The following EFHC2 variants were observed in gnomAD, a reference collection of about 807,000 sequenced individuals.
EFHC2 encodes EF-hand domain-containing family member C2.
Under a neutral mutation model 52.7 loss-of-function variants are expected in EFHC2, and 18 were observed. The observed-to-expected ratio is 0.34, with a 90% CI of 0.24 to 0.51. The LOEUF is 0.51. Among genes scored for constraint, EFHC2 ranks in the 20% least tolerant of loss-of-function variants. The pLI is 0.97. For missense variants in EFHC2, 513 were observed against 562.5 expected, an observed-to-expected ratio of 0.91 and a Z score of 0.89; for synonymous variants, 203 against 204.1, an observed-to-expected ratio of 0.99 and a Z score of 0.04.
intron 2 of EFHC2, among the ~76,000 whole-genome samples, chrX:44,277,042 G>A (rs2037663345): frequency 9.0e-6 from 1 of 110,550 alleles, no homozygotes; most frequent in Non-Finnish European, 1.9e-5. Context: ...GGCGGATCAC[G>A]AGGTCAGGAG....
At position 44,250,473 on chromosome X, in the gene EFHC2, G is replaced by T. The variant is rs780605285; in HGVS notation, c.607-28C>A. On this transcript the variant is annotated intron_variant, in intron 4 of 14. Transcript: ENST00000420999. ...GCAAATGGAGAAAATGTCAATAATA[G>T]TTGCAGGGTTTGCATAATCACTTCT... 11 of 1,168,120 alleles carry T rather than the reference G, an allele frequency of 9.4e-6. No homozygotes were observed. The South Asian group carries it at 2.1e-4, about 22-fold the overall frequency.
At chrX:44,322,654 C>T (rs754795022) in intron 1 of EFHC2, among the ~76,000 whole-genome samples, 1 of 111,987 alleles carries the variant, frequency 8.9e-6, no homozygotes, top group South Asian at 3.7e-4. Context: ...ATACCTGCTT[C>T]ACGAGACAGT....
intron 1 of EFHC2, among the ~76,000 whole-genome samples, chrX:44,321,993 G>C (rs2038023893): frequency 8.9e-6 from 1 of 111,929 alleles, no homozygotes; most frequent in African/African-American, 3.3e-5. Flanking sequence ...TTCCTGCATA[G>C]ATCTTCTATT....
rs3747353 is a variant in EFHC2 at position 44,178,276 on chromosome X, T to C, written c.1949+91A>G. The C allele has an allele frequency of 5.3e-3, 4,784 of 898,307 alleles. 202 individuals carry two copies. In the East Asian group the frequency reaches 0.13, roughly 25 times the overall value. The allele number at this position is 898,307 out of a possible 1,213,427, so 74.0% of individuals were successfully genotyped here. On this transcript the variant is annotated intron_variant, in intron 12 of 14. Coordinates refer to ENST00000420999, the MANE Select transcript of EFHC2 (RefSeq NM_025184.4). Reference sequence around the variant, plus strand: ...TGAGTATGATGACACATGTCTATTTTCTTTTTGCACTTTTTGATAAAATAG... The same window carrying C: ...TGAGTATGATGACACATGTCTATTTCCTTTTTGCACTTTTTGATAAAATAG...
At chrX:44,310,161 T>TC in intron 2 of EFHC2, 1 of 678,001 alleles carries the variant, frequency 1.5e-6, no homozygotes, top group African/African-American at 2.1e-5. Context: ...CAGGTCCACC[T>TC]CCTCGGTGGT....
intron 1 of EFHC2, among the ~76,000 whole-genome samples, chrX:44,322,227 C>G (rs1282153776): frequency 8.9e-6 from 1 of 112,200 alleles, no homozygotes; most frequent in East Asian, 2.8e-4. Context: ...AATTCCTGTA[C>G]AGCCATCACT....
At chrX:44,331,162 T>C (rs1445146076) in intron 1 of EFHC2, among the ~76,000 whole-genome samples, 1 of 111,808 alleles carries the variant, frequency 8.9e-6, no homozygotes, top group Admixed American at 9.5e-5. Context: ...TGTAAAGAAA[T>C]TGTGATACAT....
intron 14 of EFHC2, 34 bp downstream of exon 14, chrX:44,163,888 C>T: frequency 1.1e-6 from 1 of 943,525 alleles, no homozygotes; most frequent in Admixed American, 2.6e-5. Context: ...GGGAAGTAAC[C>T]ATAGATGGTT....
At chrX:44,290,323 CAAT>C (rs1196416881) in intron 2 of EFHC2, among the ~76,000 whole-genome samples, 5 of 111,594 alleles carry the variant, frequency 4.5e-5, no homozygotes, top group East Asian at 2.8e-4. Flanking sequence ...CAGTCTCATT[CAAT>C]AATATTTTTA....
intron 4 of EFHC2, among the ~76,000 whole-genome samples, chrX:44,252,059 G>C (rs1249309433): frequency 8.9e-6 from 1 of 111,732 alleles, no homozygotes; most frequent in African/African-American, 3.3e-5. Flanking sequence ...TTTTATTTCA[G>C]CTCAAAAAGC....
chrX:44,163,785 G>T, intron 14 of EFHC2, 137 bp downstream of exon 14: 1 of 463,372 alleles, frequency 2.2e-6, no homozygotes, highest in Non-Finnish European at 3.7e-6. Context: ...TAACACAAAT[G>T]CCCAGAAACA....
chrX:44,242,292 A>G lies in EFHC2; in HGVS notation c.1112-3T>C, dbSNP rs1245769594. On this transcript the variant is annotated splice_polypyrimidine_tract_variant and splice_region_variant and intron_variant, in intron 7 of 14. Transcript: ENST00000420999. ...GCATGAAACTGAGGTAAAGTTCTCT[A>G]GAACAAAACAAAGGCAAACAAAACA... The G allele has an allele frequency of 8.3e-7, 1 of 1,203,038 alleles. No individual in the cohort carries two copies.
At chrX:44,253,445 G>T (rs1390024494) in intron 4 of EFHC2, among the ~76,000 whole-genome samples, 1 of 110,990 alleles carries the variant, frequency 9.0e-6, no homozygotes, top group African/African-American at 3.3e-5. Flanking sequence ...GGGGAGGGGC[G>T]TCCCCCATTA....
chrX:44,296,002 C>G (rs971821580), intron 2 of EFHC2, among the ~76,000 whole-genome samples: 27 of 111,559 alleles, frequency 2.4e-4, no homozygotes, highest in African/African-American at 8.8e-4. Flanking sequence ...CCCAAAAAAG[C>G]CTTTTCTCTC....
At chrX:44,234,220 T>C (rs1214335910) in intron 9 of EFHC2, among the ~76,000 whole-genome samples, 2 of 112,081 alleles carry the variant, frequency 1.8e-5, no homozygotes, top group Admixed American at 9.4e-5. Context: ...TTCTCAATCA[T>C]GGCCACTAGG....
chrX:44,255,554 A>G (rs1054791504), intron 4 of EFHC2, among the ~76,000 whole-genome samples: 2 of 112,176 alleles, frequency 1.8e-5, no homozygotes, highest in African/African-American at 6.5e-5. Context: ...TAAAGAGATC[A>G]ATGCAACAAG....
chrX:44,241,404 T>C (rs1455626826), intron 8 of EFHC2, among the ~76,000 whole-genome samples: 1 of 112,221 alleles, frequency 8.9e-6, no homozygotes, highest in Non-Finnish European at 1.9e-5. Context: ...CTATGGTTAC[T>C]GAACTCAACC....
At chrX:44,264,244 G>A (rs1207594479) in intron 3 of EFHC2, among the ~76,000 whole-genome samples, 1 of 111,951 alleles carries the variant, frequency 8.9e-6, no homozygotes, top group Non-Finnish European at 1.9e-5. Flanking sequence ...TATTACTTGA[G>A]GAGGAAGAGC....
chrX:44,318,040 T>C (rs1057368767), intron 1 of EFHC2, among the ~76,000 whole-genome samples: 6 of 112,049 alleles, frequency 5.4e-5, no homozygotes, highest in Non-Finnish European at 7.5e-5. Context: ...CTCAGGAGAA[T>C]TGAAAACATA....
Sources: gnomAD v4.1 joint callset for allele counts (sites outside exome capture counted in the v4.1 genomes callset) on GRCh38, gnomAD v4.1.1 for gene constraint, MANE v1.5 for transcripts, NCBI Gene and HGNC (gene_info 2026-07-23, HGNC 2026-07-21) for gene names.